Variants in ANXA8 observed in about 807,000 individuals in gnomAD.
The protein encoded by ANXA8 is VAC-beta.
In ANXA8, 9 loss-of-function variants were observed where a neutral mutation model predicts 26.8. That is an observed-to-expected ratio of 0.34 (90% CI 0.20 to 0.59). ANXA8 has a LOEUF of 0.59. Among genes scored for constraint, ANXA8 ranks in the 20% least tolerant of loss-of-function variants. The pLI is 0.84. For synonymous variants in ANXA8, 39 were observed against 94.8 expected (o/e 0.41, Z 3.42); for missense variants, 83 against 238.5 (o/e 0.35, Z 4.29).
chr10:47,513,040 T>C, the ANXA8 span, among the ~76,000 whole-genome samples: 3 of 132,714 alleles, frequency 2.3e-5, 1 homozygote, highest in Middle Eastern at 3.7e-3. Context: ...ATTATCTTTT[T>C]TTTATTTTTT....
chr10:47,707,394 T>A, the ANXA8 span, among the ~76,000 whole-genome samples: 1 of 143,140 alleles, frequency 7.0e-6, no homozygotes, highest in African/African-American at 2.4e-5. Flanking sequence ...TTTTTTAAAA[T>A]TTATTTTTTA....
the ANXA8 span, among the ~76,000 whole-genome samples, chr10:47,548,283 T>C: frequency 1.3e-4 from 19 of 147,562 alleles, no homozygotes; most frequent in Admixed American, 9.5e-4. Flanking sequence ...TCCTAATCAA[T>C]ATGGCTTATT....
the ANXA8 span, among the ~76,000 whole-genome samples, chr10:47,516,033 T>C: frequency 7.8e-6 from 1 of 127,742 alleles, no homozygotes; most frequent in African/African-American, 3.0e-5. Flanking sequence ...TCAAAAAATA[T>C]AAAATTCAAT....
chr10:47,930,127 T>A, the ANXA8 span, among the ~76,000 whole-genome samples: 8 of 152,034 alleles, frequency 5.3e-5, no homozygotes, highest in Non-Finnish European at 1.0e-4. Context: ...TACTTCCTAC[T>A]CTTGCTGCTT....
chr10:47,959,325 G>T, the ANXA8 span, among the ~76,000 whole-genome samples: 1 of 147,432 alleles, frequency 6.8e-6, no homozygotes. Context: ...CCTGCTTTGA[G>T]AAAAGGAATC....
chr10:47,534,778 C>T, the ANXA8 span, among the ~76,000 whole-genome samples: 14 of 92,980 alleles, frequency 1.5e-4, no homozygotes, highest in South Asian at 5.1e-3. Context: ...CCTCAGCCTC[C>T]TGAGTAGCTG....
chr10:47,480,818 A>G (rs1435988276), intron 1 of ANXA8, among the ~76,000 whole-genome samples: 4 of 98,310 alleles, frequency 4.1e-5, no homozygotes, highest in Non-Finnish European at 8.2e-5. Flanking sequence ...TGACTACCAC[A>G]TCCATCCATC....
chr10:47,597,411 A>G, the ANXA8 span, among the ~76,000 whole-genome samples: 1 of 148,168 alleles, frequency 6.7e-6, no homozygotes, highest in South Asian at 2.1e-4. Context: ...AGCCAGAATG[A>G]TCAGACAAAA....
At chr10:47,680,075 A>C in the ANXA8 span, among the ~76,000 whole-genome samples, 1 of 151,250 alleles carries the variant, frequency 6.6e-6, no homozygotes, top group Non-Finnish European at 1.5e-5. Context: ...TCCTGGATTC[A>C]AGATGATTCT....
At chr10:47,483,505 G>A (rs1395314855) in intron 1 of ANXA8, among the ~76,000 whole-genome samples, 4 of 135,794 alleles carry the variant, frequency 2.9e-5, no homozygotes, top group African/African-American at 1.2e-4. Flanking sequence ...TCTGCACACA[G>A]TTCCCTCTGC....
the ANXA8 span, among the ~76,000 whole-genome samples, chr10:47,678,806 C>T: frequency 5.4e-5 from 8 of 148,566 alleles, no homozygotes; most frequent in African/African-American, 1.2e-4. Flanking sequence ...TTTGGGGGGC[C>T]GAGGGGGGTG....
the ANXA8 span, among the ~76,000 whole-genome samples, chr10:47,516,084 A>G: frequency 1.7e-5 from 2 of 115,256 alleles, no homozygotes; most frequent in Admixed American, 1.9e-4. Flanking sequence ...TCCCAGAACT[A>G]GAATAAAAAG....
At chr10:47,733,219 TTCTC>T in the ANXA8 span, among the ~76,000 whole-genome samples, 51 of 68,082 alleles carry the variant, frequency 7.5e-4, no homozygotes, top group Admixed American at 1.2e-3. Context: ...CTTTCTTTCT[TTCTC>T]TTTCTTTCTC....
At chr10:47,498,782 AG>A in the ANXA8 span, among the ~76,000 whole-genome samples, 43 of 128,696 alleles carry the variant, frequency 3.3e-4, no homozygotes, top group African/African-American at 1.2e-3. Flanking sequence ...TCTATAGCAT[AG>A]GGGAAGGGTA....
At chr10:47,659,793 G>A in the ANXA8 span, among the ~76,000 whole-genome samples, 1 of 150,312 alleles carries the variant, frequency 6.7e-6, no homozygotes, top group African/African-American at 2.5e-5. Context: ...GTCTTACTCT[G>A]TGGCTGAGGC....
chr10:47,680,503 T>C, the ANXA8 span, among the ~76,000 whole-genome samples: 1 of 151,708 alleles, frequency 6.6e-6, no homozygotes, highest in Non-Finnish European at 1.5e-5. Flanking sequence ...GGTGTGGTGG[T>C]GCATGCCTGT....
At chr10:47,607,490 T>C in the ANXA8 span, among the ~76,000 whole-genome samples, 1 of 149,830 alleles carries the variant, frequency 6.7e-6, no homozygotes, top group African/African-American at 2.5e-5. Context: ...CAAATTACAA[T>C]ATTAGAACAA....
At chr10:47,668,545 G>C in the ANXA8 span, among the ~76,000 whole-genome samples, 1 of 151,724 alleles carries the variant, frequency 6.6e-6, no homozygotes, top group Non-Finnish European at 1.5e-5. Context: ...TGGGATTACA[G>C]TGTAGTATCT....
the ANXA8 span, among the ~76,000 whole-genome samples, chr10:47,930,915 G>GT: frequency 7.1e-6 from 1 of 141,154 alleles, no homozygotes; most frequent in Non-Finnish European, 1.5e-5. Context: ...TGGTTTCCTG[G>GT]TTTGTAATAA....
Sources: gnomAD v4.1 joint callset for allele counts (sites outside exome capture counted in the v4.1 genomes callset) on GRCh38, gnomAD v4.1.1 for gene constraint, MANE v1.5 for transcripts, NCBI Gene and HGNC (gene_info 2026-07-23, HGNC 2026-07-21) for gene names.